Variants in POLR3B observed in about 807,000 individuals in gnomAD.
The protein encoded by POLR3B is RNA polymerase III subunit B, also known as DNA-directed RNA polymerase III subunit RPC2.
In POLR3B, 96 loss-of-function variants were observed where a neutral mutation model predicts 147.4. The ratio of observed to expected loss-of-function variants is 0.65; its 90% CI spans 0.55 to 0.77. The LOEUF is 0.77. Among genes scored for constraint, POLR3B ranks in the 30% least tolerant of loss-of-function variants. The pLI is 0.00. For synonymous variants in POLR3B, 461 were observed against 485.9 expected (o/e 0.95, Z 0.67); for missense variants, 1,036 against 1,413.5 (o/e 0.73, Z 4.28).
At chr12:106,385,546 T>G (rs532553450) in intron 9 of POLR3B, among the ~76,000 whole-genome samples, 2 of 152,332 alleles carry the variant, frequency 1.3e-5, no homozygotes, top group East Asian at 3.9e-4. Context: ...GCATTTTGGG[T>G]ATAAGCCTCA....
At chr12:106,507,898 G>A in intron 27 of POLR3B, 1 of 441,608 alleles carries the variant, frequency 2.3e-6, no homozygotes, top group South Asian at 1.6e-5. Context: ...AATATAAAGT[G>A]AGTCACATTA....
chr12:106,484,476 CA>C (rs1177814744), intron 23 of POLR3B, among the ~76,000 whole-genome samples: 5 of 151,120 alleles, frequency 3.3e-5, no homozygotes, highest in African/African-American at 1.2e-4. Context: ...AGGAAACAGA[CA>C]AAAAAGAAGT....
intron 25 of POLR3B, among the ~76,000 whole-genome samples, chr12:106,499,739 C>T (rs1370497049): frequency 6.6e-6 from 1 of 152,172 alleles, no homozygotes; most frequent in Non-Finnish European, 1.5e-5. Context: ...TACTATGTGA[C>T]AAAACCAAGA....
intron 13 of POLR3B, among the ~76,000 whole-genome samples, chr12:106,428,624 A>T (rs554360002): frequency 7.6e-4 from 115 of 152,122 alleles, no homozygotes; most frequent in Middle Eastern, 3.4e-3. Flanking sequence ...GCCTTATTTT[A>T]GCTGTGTGCT....
chr12:106,471,361 A>G (rs1435975785), intron 23 of POLR3B, among the ~76,000 whole-genome samples: 2 of 152,162 alleles, frequency 1.3e-5, no homozygotes, highest in Admixed American at 6.5e-5. Flanking sequence ...TTCTCCAGGT[A>G]CAGTCACTCA....
Position 106,380,816 on chromosome 12 carries a change from A to T in POLR3B, c.723+677A>T, listed in dbSNP as rs181170185. 1.3e-4 allele frequency among the ~76,000 whole-genome samples: 20 copies of T among 152,334 alleles called. No individual in the cohort carries two copies. The East Asian group carries it at 3.9e-3, about 29-fold the overall frequency. ...AGAACCCAAAAGACATTTTCCATAG[A>T]AACAATATTGAAATGGTATAGTCTT... On this transcript the variant is annotated intron_variant, in intron 9 of 27. Transcript: ENST00000228347.
chr12:106,446,403 A>G (rs183682304), intron 19 of POLR3B: 142 of 282,010 alleles, frequency 5.0e-4, no homozygotes, highest in African/African-American at 3.6e-3. Flanking sequence ...TTATTTTTAT[A>G]ACTCCTCTCC....
In POLR3B at chr12:106,454,487, C is replaced by T. The variant is rs181026609; in HGVS notation, c.2084-15C>T. ...AATAGAATGTTGTATTTTGTTTTCT[C>T]CCATATCAATGCAGGTACTATAGGA... On this transcript the variant is annotated splice_polypyrimidine_tract_variant and intron_variant, in intron 19 of 27. Coordinates refer to ENST00000228347, the MANE Select transcript of POLR3B (RefSeq NM_018082.6). The T allele has an allele frequency of 9.6e-4, 1,235 of 1,285,996 alleles. 26 individuals carry two copies. Among genetic ancestry groups the T allele is most frequent in the East Asian group, 8.5e-3 (370 of 43,318 alleles). The allele number at this position is 1,285,996 out of a possible 1,614,324, so 79.7% of individuals were successfully genotyped here.
At chr12:106,397,728 C>T (rs552477744) in intron 10 of POLR3B, among the ~76,000 whole-genome samples, 4 of 152,302 alleles carry the variant, frequency 2.6e-5, no homozygotes, top group African/African-American at 9.6e-5. Context: ...GAATATACCA[C>T]AGTTTATCCT....
intron 10 of POLR3B, among the ~76,000 whole-genome samples, chr12:106,399,180 G>A (rs1334635536): frequency 4.6e-5 from 7 of 152,194 alleles, no homozygotes; most frequent in Non-Finnish European, 7.3e-5. Flanking sequence ...ACTATGTGAC[G>A]AATGCAGAAG....
chr12:106,398,571 G>A (rs1274868693), intron 10 of POLR3B, among the ~76,000 whole-genome samples: 1 of 152,156 alleles, frequency 6.6e-6, no homozygotes, highest in Non-Finnish European at 1.5e-5. Context: ...AGCCTAACTG[G>A]GAGGCACCCC....
intron 10 of POLR3B, among the ~76,000 whole-genome samples, chr12:106,398,724 G>A (rs985990958): frequency 6.6e-6 from 1 of 152,182 alleles, no homozygotes; most frequent in Non-Finnish European, 1.5e-5. Context: ...GGCAAACAGG[G>A]TCTGGAGTGG....
chr12:106,446,656 C>G (rs1402556999), intron 19 of POLR3B, among the ~76,000 whole-genome samples: 1 of 151,922 alleles, frequency 6.6e-6, no homozygotes, highest in African/African-American at 2.4e-5. Flanking sequence ...CTGCTCTGAC[C>G]CTGGGTCCTG....
chr12:106,463,088 A>G (rs1308956096), intron 22 of POLR3B, among the ~76,000 whole-genome samples: 1 of 152,166 alleles, frequency 6.6e-6, no homozygotes, highest in Non-Finnish European at 1.5e-5. Context: ...TAATAATTGA[A>G]AAGCTGAGTA....
At chr12:106,464,068 G>A (rs552127175) in intron 23 of POLR3B, among the ~76,000 whole-genome samples, 2 of 151,956 alleles carry the variant, frequency 1.3e-5, no homozygotes, top group East Asian at 1.9e-4. Context: ...TTCAGACCCC[G>A]CATTTTCAGT....
intron 23 of POLR3B, among the ~76,000 whole-genome samples, chr12:106,481,015 G>A (rs2038259796): frequency 1.3e-5 from 2 of 152,162 alleles, no homozygotes; most frequent in African/African-American, 4.8e-5. Context: ...GAAGTAAGAG[G>A]GTGAGCCCTC....
chr12:106,363,988 G>A, intron 2 of POLR3B, 86 bp downstream of exon 2: 1 of 1,014,462 alleles, frequency 9.9e-7, no homozygotes, highest in Non-Finnish European at 1.5e-6. Context: ...TTAAATTTTT[G>A]TCATCAACAT....
intron 9 of POLR3B, among the ~76,000 whole-genome samples, chr12:106,389,816 C>T (rs1183323152): frequency 1.3e-5 from 2 of 152,118 alleles, no homozygotes; most frequent in Non-Finnish European, 2.9e-5. Context: ...ATTGCTTGAG[C>T]CCAAGAATTT....
chr12:106,437,044 G>A lies in POLR3B; in HGVS notation c.1782-13G>A, dbSNP rs775891330. 1 of 1,608,290 alleles carries A rather than the reference G, an allele frequency of 6.2e-7. No homozygotes were observed. The highest frequency in any genetic ancestry group is 1.3e-5 in the African/African-American group (1 of 74,772). Reference sequence around the variant, plus strand: ...GGAACTATTATTAATTTGGTTTGCTGTTTCCATTCTAGACCCTACATAATT... The same window carrying A: ...GGAACTATTATTAATTTGGTTTGCTATTTCCATTCTAGACCCTACATAATT... On this transcript the variant is annotated splice_polypyrimidine_tract_variant and intron_variant, in intron 16 of 27. Coordinates refer to ENST00000228347, the MANE Select transcript of POLR3B (RefSeq NM_018082.6).
Sources: gnomAD v4.1 joint callset for allele counts (sites outside exome capture counted in the v4.1 genomes callset) on GRCh38, gnomAD v4.1.1 for gene constraint, MANE v1.5 for transcripts, NCBI Gene and HGNC (gene_info 2026-07-23, HGNC 2026-07-21) for gene names.